CNTLN: variants seen among roughly 807,000 people sequenced by gnomAD.
CNTLN encodes centlein.
Under a neutral mutation model 180.0 loss-of-function variants are expected in CNTLN, and 212 were observed. The ratio of observed to expected loss-of-function variants is 1.18; its 90% CI spans 1.05 to 1.32. The LOEUF (loss-of-function observed/expected upper bound fraction) is 1.32. Among genes scored for constraint, CNTLN ranks in the 40% most tolerant of loss-of-function variants. The pLI is 0.00. For missense variants in CNTLN, 2,095 were observed against 1,610.9 expected (o/e 1.30, Z -5.14); for synonymous variants, 722 against 563.1 (o/e 1.28, Z -3.99).
chr9:17,395,080 C>T lies in CNTLN; in HGVS notation c.2615+11C>T, dbSNP rs115203335. ...TGTGAGTGAAAGCAGGTAAGGCTCTCATTAACTTAGCTCTGTGGTGGGGAC... is the reference window on the plus strand; with the variant it reads ...TGTGAGTGAAAGCAGGTAAGGCTCTTATTAACTTAGCTCTGTGGTGGGGAC... On this transcript the variant is annotated intron_variant, in intron 15 of 25. Coordinates refer to ENST00000380647, the MANE Select transcript of CNTLN (RefSeq NM_017738.4). 1,947 of 1,593,928 alleles carry T rather than the reference C, an allele frequency of 1.2e-3. 26 individuals are homozygous for T. The African/African-American group carries it at 0.023, about 19-fold the overall frequency.
downstream of CNTLN, among the ~76,000 whole-genome samples, chr9:17,504,938 T>C (rs928064956): frequency 3.9e-5 from 6 of 152,166 alleles, no homozygotes; most frequent in Non-Finnish European, 8.8e-5. Context: ...ACTTTGTGAC[T>C]GCAACAATAG....
chr9:17,266,308 T>A (rs1827438853), intron 5 of CNTLN, among the ~76,000 whole-genome samples: 1 of 152,208 alleles, frequency 6.6e-6, no homozygotes, highest in African/African-American at 2.4e-5. Context: ...CAGTAGTCAC[T>A]CAGGACCAGG....
chr9:17,344,233 G>A lies in CNTLN; in HGVS notation c.1886+1789G>A, dbSNP rs143904391. On this transcript the variant is annotated intron_variant, in intron 12 of 25. Coordinates refer to ENST00000380647, the MANE Select transcript of CNTLN (RefSeq NM_017738.4). ...ATTAGAGAACTCAGAATCCTGATCTGTTCACTTAGCAATATTTGCACTTTA... is the reference window on the plus strand; with the variant it reads ...ATTAGAGAACTCAGAATCCTGATCTATTCACTTAGCAATATTTGCACTTTA... Among the ~76,000 whole-genome samples, 472 of 152,190 alleles carry A rather than the reference G, an allele frequency of 3.1e-3. 5 individuals carry two copies. The highest frequency in any genetic ancestry group is 0.011 in the African/African-American group (450 of 41,526).
intron 2 of CNTLN, among the ~76,000 whole-genome samples, chr9:17,152,078 T>C (rs1563826082): frequency 6.6e-6 from 1 of 152,186 alleles, no homozygotes; most frequent in Non-Finnish European, 1.5e-5. Flanking sequence ...TGGCTAGCAG[T>C]CTATCTGTTT....
intron 18 of CNTLN, among the ~76,000 whole-genome samples, chr9:17,454,839 C>T (rs1831016879): frequency 6.6e-6 from 1 of 152,172 alleles, no homozygotes; most frequent in Non-Finnish European, 1.5e-5. Flanking sequence ...ATGACTCTTC[C>T]ATGTGTGTTT....
At chr9:17,270,801 C>A (rs1356277537) in intron 5 of CNTLN, among the ~76,000 whole-genome samples, 3 of 151,564 alleles carry the variant, frequency 2.0e-5, no homozygotes, top group African/African-American at 7.3e-5. Context: ...TTGAAATTTT[C>A]TATTTTTTCT....
At chr9:17,180,880 C>T (rs1355894461) in intron 2 of CNTLN, among the ~76,000 whole-genome samples, 1 of 151,972 alleles carries the variant, frequency 6.6e-6, no homozygotes, top group Non-Finnish European at 1.5e-5. Flanking sequence ...ATGCCCCTTC[C>T]TTCTGGTTTT....
intron 2 of CNTLN, among the ~76,000 whole-genome samples, chr9:17,185,889 C>T (rs1012052295): frequency 1.3e-5 from 2 of 151,780 alleles, no homozygotes; most frequent in Non-Finnish European, 2.9e-5. Flanking sequence ...ACCTCCTGGG[C>T]TCAAGTGATT....
chr9:17,455,079 A>G (rs914265165), intron 18 of CNTLN, among the ~76,000 whole-genome samples: 1 of 152,180 alleles, frequency 6.6e-6, no homozygotes, highest in African/African-American at 2.4e-5. Context: ...AAAGTTATTT[A>G]TACATTTTTT....
intron 8 of CNTLN, among the ~76,000 whole-genome samples, chr9:17,317,790 T>G (rs10810753): frequency 7.5e-4 from 114 of 152,180 alleles, no homozygotes; most frequent in African/African-American, 2.6e-3. Context: ...GCTTGCCTAG[T>G]AAGGAGGCGA....
At chr9:17,414,865 G>A (rs1828108077) in intron 16 of CNTLN, among the ~76,000 whole-genome samples, 1 of 152,142 alleles carries the variant, frequency 6.6e-6, no homozygotes, top group Non-Finnish European at 1.5e-5. Context: ...CGAGGCGAGT[G>A]GCTCACTGGA....
intron 19 of CNTLN, among the ~76,000 whole-genome samples, chr9:17,462,202 A>G (rs903643103): frequency 1.3e-5 from 2 of 151,612 alleles, no homozygotes; most frequent in African/African-American, 4.8e-5. Context: ...GGGCTACCTC[A>G]TATCCCTGGA....
At chr9:17,154,950 C>T (rs906877246) in intron 2 of CNTLN, among the ~76,000 whole-genome samples, 2 of 152,192 alleles carry the variant, frequency 1.3e-5, no homozygotes, top group African/African-American at 2.4e-5. Context: ...TCCGCACTAC[C>T]TTTGTGAGCT....
rs201175865 is a variant in CNTLN at position 17,211,492 on chromosome 9, T to G, written c.450-14711T>G. ...ATAGTTTGAAGTCAGGTAGCGTGAT[T>G]CCTCCAGCTTTGTTCTTTTGGCTTA... On this transcript the variant is annotated intron_variant, in intron 2 of 25. Transcript: ENST00000380647. 2.4e-4 allele frequency among the ~76,000 whole-genome samples: 36 copies of G among 152,232 alleles called. 1 individual carries two copies. Among genetic ancestry groups the G allele is most frequent in the Admixed American group, 1.6e-3 (24 of 15,274 alleles).
intron 14 of CNTLN, among the ~76,000 whole-genome samples, chr9:17,390,329 C>T (rs982136807): frequency 6.7e-6 from 1 of 150,064 alleles, no homozygotes; most frequent in Non-Finnish European, 1.5e-5. Context: ...ACCTCCGCCT[C>T]CCAGGTTCAA....
In CNTLN at chr9:17,288,361, C is replaced by A. The variant is rs4263861; in HGVS notation, c.984-9829C>A. Reference sequence around the variant, plus strand: ...CCTGAGTTCTAGTTTGATTGCACTGCGGTCTGAGAGATAGTTTGTTATAAT... The same window carrying A: ...CCTGAGTTCTAGTTTGATTGCACTGAGGTCTGAGAGATAGTTTGTTATAAT... On this transcript the variant is annotated intron_variant, in intron 6 of 25. Coordinates refer to ENST00000380647, the MANE Select transcript of CNTLN (RefSeq NM_017738.4). Among the ~76,000 whole-genome samples, 8 of 96,954 alleles carry A rather than the reference C, an allele frequency of 8.3e-5. 2 individuals carry two copies. The highest frequency in any genetic ancestry group is 2.0e-4 in the African/African-American group (4 of 20,262). 63.6% of individuals were successfully genotyped at this position (96,954 alleles called of 152,430 possible).
chr9:17,419,404 C>T (rs374624017), intron 18 of CNTLN, among the ~76,000 whole-genome samples: 17 of 152,092 alleles, frequency 1.1e-4, no homozygotes, highest in South Asian at 1.0e-3. Context: ...AGTATGTATC[C>T]GTTGCCACAG....
intron 2 of CNTLN, among the ~76,000 whole-genome samples, chr9:17,209,651 C>G (rs1037445431): frequency 6.6e-6 from 1 of 152,056 alleles, no homozygotes; most frequent in African/African-American, 2.4e-5. Context: ...CCAAATTGAC[C>G]CCTCTCTTAT....
intron 2 of CNTLN, among the ~76,000 whole-genome samples, chr9:17,195,384 T>G (rs190141658): frequency 8.5e-5 from 13 of 152,298 alleles, no homozygotes; most frequent in African/African-American, 3.1e-4. Flanking sequence ...CAGTGTGATC[T>G]TTTCCTTGTA....
Sources: allele counts gnomAD v4.1 joint callset (sites outside exome capture counted in the v4.1 genomes callset), GRCh38; gene constraint gnomAD v4.1.1; transcripts MANE v1.5; gene names NCBI Gene and HGNC (gene_info 2026-07-23, HGNC 2026-07-21).